Variants in ELF1 observed in about 807,000 individuals in gnomAD.
The protein encoded by ELF1 is E74 like ETS transcription factor 1.
A neutral mutation model predicts 59.9 loss-of-function variants in ELF1; 24 were observed. The observed-to-expected ratio is 0.40, with a 90% confidence interval of 0.29 to 0.56. The LOEUF is 0.56. ELF1 is among the 20% of genes least tolerant of loss of function. The pLI is 0.44. For synonymous variants in ELF1, 248 were observed against 266.2 expected, an observed-to-expected ratio of 0.93 and a Z score of 0.67; for missense variants, 627 against 742.2, an observed-to-expected ratio of 0.84 and a Z score of 1.80.
At chr13:41,036,886 T>C (rs1442238645) in intron 1 of ELF1, among the ~76,000 whole-genome samples, 1 of 150,242 alleles carries the variant, frequency 6.7e-6, no homozygotes, top group Non-Finnish European at 1.5e-5. Flanking sequence ...TTCTCACTCA[T>C]AGGTGGGAAT....
At position 40,982,231 on chromosome 13, in the gene ELF1, A is replaced by G; in HGVS notation, c.-177T>C. The stretch of plus-strand genomic sequence containing the variant: ...AGTTTTCCTGGTTCATTGATATTCT[A>G]GTCAAATTGAGACAATTTTTCTGAA... On this transcript the variant is annotated 5_prime_UTR_variant, in exon 2 of 9. Transcript: ENST00000239882. 1 of 1,284,812 alleles carries G rather than the reference A, an allele frequency of 7.8e-7. No homozygotes were observed. The highest frequency in any genetic ancestry group is 1.5e-5 in the African/African-American group (1 of 65,192). The allele number at this position is 1,284,812 out of a possible 1,614,324, so 79.6% of individuals were successfully genotyped here.
chr13:40,973,606 T>A (rs986067606), intron 2 of ELF1, among the ~76,000 whole-genome samples: 7 of 151,878 alleles, frequency 4.6e-5, no homozygotes, highest in African/African-American at 1.2e-4. Flanking sequence ...GAAATTTTTT[T>A]AAGTTATTTT....
chr13:40,995,394 A>G (rs1169809544), intron 1 of ELF1, among the ~76,000 whole-genome samples: 1 of 152,224 alleles, frequency 6.6e-6, no homozygotes, highest in Admixed American at 6.5e-5. Context: ...TGGTAGTCAG[A>G]TTTGTAAGAC....
chr13:40,971,873 A>T (rs1872564687), intron 2 of ELF1, among the ~76,000 whole-genome samples: 1 of 151,930 alleles, frequency 6.6e-6, no homozygotes, highest in South Asian at 2.1e-4. Flanking sequence ...AAAGCTTAAT[A>T]GTATTGGTGG....
chr13:40,992,812 T>C, intron 1 of ELF1: 1 of 484,734 alleles, frequency 2.1e-6, no homozygotes, highest in Non-Finnish European at 3.7e-6. Flanking sequence ...CATGTGAGGA[T>C]TAGGAGCCAA....
At chr13:40,959,752 G>GTATAAAC (rs140967474) in intron 2 of ELF1, among the ~76,000 whole-genome samples, 28,266 of 151,728 alleles carry the variant, frequency 0.19, 2,791 homozygotes, top group African/African-American at 0.24. Context: ...TATATTAAGA[G>GTATAAAC]TATAAACTAT....
At chr13:41,011,292 G>GT (rs1244558954) in intron 1 of ELF1, among the ~76,000 whole-genome samples, 1 of 152,134 alleles carries the variant, frequency 6.6e-6, no homozygotes, top group Non-Finnish European at 1.5e-5. Flanking sequence ...TTACTTCTAG[G>GT]TAACTAAAGC....
intron 1 of ELF1, among the ~76,000 whole-genome samples, chr13:41,054,774 G>A (rs1376012717): frequency 6.6e-6 from 1 of 152,084 alleles, no homozygotes; most frequent in East Asian, 1.9e-4. Flanking sequence ...AACAGGAAAG[G>A]GACAGTGGAG....
At chr13:41,039,570 C>T (rs1028834) in intron 1 of ELF1, among the ~76,000 whole-genome samples, 148,532 of 152,294 alleles carry the variant, frequency 0.98, 72,527 homozygotes, top group Non-Finnish European at 1. Context: ...AAAAGATTGA[C>T]CAATTAACAT....
intron 2 of ELF1, among the ~76,000 whole-genome samples, chr13:40,974,225 G>A (rs1872764427): frequency 6.6e-6 from 1 of 152,110 alleles, no homozygotes; most frequent in African/African-American, 2.4e-5. Flanking sequence ...ATACAGGTAT[G>A]CCAGGCATAA....
intron 2 of ELF1, among the ~76,000 whole-genome samples, chr13:40,964,410 CTG>C (rs779844469): frequency 6.6e-6 from 1 of 152,118 alleles, no homozygotes; most frequent in African/African-American, 2.4e-5. Flanking sequence ...CTTTTGCAGA[CTG>C]TGGGGGAAGG....
chr13:40,998,687 CT>C (rs1566184859), intron 1 of ELF1, among the ~76,000 whole-genome samples: 2 of 152,144 alleles, frequency 1.3e-5, no homozygotes, highest in African/African-American at 4.8e-5. Flanking sequence ...AGACTTTCAT[CT>C]TTCATAATAT....
At chr13:40,973,642 CT>C (rs59812708) in intron 2 of ELF1, among the ~76,000 whole-genome samples, 1,698 of 141,914 alleles carry the variant, frequency 0.012, 14 homozygotes, top group East Asian at 0.052. Context: ...TGCTAATTTC[CT>C]TTTTTTTTTT....
intron 3 of ELF1, among the ~76,000 whole-genome samples, chr13:40,954,582 C>T (rs1019994048): frequency 1.4e-4 from 21 of 152,048 alleles, no homozygotes; most frequent in South Asian, 4.1e-4. Context: ...CGAGTGCCTG[C>T]GATTGCAGGC....
chr13:40,957,094 A>C (rs1871496237), intron 3 of ELF1, among the ~76,000 whole-genome samples: 2 of 98,318 alleles, frequency 2.0e-5, no homozygotes, highest in African/African-American at 5.4e-5. Flanking sequence ...AACCTTGCAC[A>C]TATCTTACTG....
chr13:40,974,924 C>G (rs986684040), intron 2 of ELF1, among the ~76,000 whole-genome samples: 1 of 152,198 alleles, frequency 6.6e-6, no homozygotes, highest in African/African-American at 2.4e-5. Flanking sequence ...GGCAATCAGG[C>G]TTGTAGCTGG....
chr13:40,933,233 T>C lies in ELF1; in HGVS notation c.*192A>G. 1 of 693,024 alleles carries C rather than the reference T, an allele frequency of 1.4e-6. No individual in the cohort carries two copies. The highest frequency in any genetic ancestry group is 2.3e-6 in the Non-Finnish European group (1 of 443,670). The allele number at this position is 693,024 out of a possible 1,614,324, so 42.9% of individuals were successfully genotyped here. A position where few individuals can be genotyped will look rare whatever the true frequency, so the allele number is the denominator to read the frequency against. On this transcript the variant is annotated 3_prime_UTR_variant, in exon 9 of 9. Coordinates refer to ENST00000239882, the MANE Select transcript of ELF1 (RefSeq NM_172373.4). ...AAATGCCTGTTCCTTCACGATTGAA[T>C]TCTGAAACATTTAGATAACAAAGAG...
At chr13:41,028,795 G>T (rs533482767) in intron 1 of ELF1, among the ~76,000 whole-genome samples, 1 of 152,040 alleles carries the variant, frequency 6.6e-6, no homozygotes, top group African/African-American at 2.4e-5. Context: ...GTGAAGTGGC[G>T]CAATCTTGGT....
intron 1 of ELF1, among the ~76,000 whole-genome samples, chr13:41,001,416 C>T (rs574929943): frequency 6.6e-6 from 1 of 152,222 alleles, no homozygotes; most frequent in East Asian, 1.9e-4. Flanking sequence ...AGCAAGACTC[C>T]ATCTATCTTT....
Sources: gnomAD v4.1 joint callset for allele counts (sites outside exome capture counted in the v4.1 genomes callset) on GRCh38, gnomAD v4.1.1 for gene constraint, MANE v1.5 for transcripts, NCBI Gene and HGNC (gene_info 2026-07-23, HGNC 2026-07-21) for gene names.